Variants in ZBTB8B observed in about 807,000 individuals in gnomAD.
ZBTB8B encodes the protein zinc finger and BTB domain-containing protein 8B.
A neutral mutation model predicts 30.3 loss-of-function variants in ZBTB8B; 17 were observed. The ratio of observed to expected loss-of-function variants is 0.56; its 90% CI spans 0.38 to 0.84. The LOEUF is 0.84. Ranked by LOEUF, ZBTB8B falls within the 40% of genes least tolerant of loss-of-function variation. ZBTB8B has a pLI of 0.00. For synonymous variants in ZBTB8B, 248 were observed against 255.6 expected (o/e 0.97, Z 0.28); for missense variants, 515 against 644.9 (o/e 0.80, Z 2.18).
At chr1:32,480,668 C>T (rs1007307561) in intron 2 of ZBTB8B, among the ~76,000 whole-genome samples, 21 of 152,152 alleles carry the variant, frequency 1.4e-4, no homozygotes, top group Admixed American at 6.5e-5. Flanking sequence ...ATAGCATTCC[C>T]GACATTATAA....
chr1:32,493,737 C>G lies in ZBTB8B; in HGVS notation c.*8319C>G, dbSNP rs1643796125. On this transcript the variant is annotated 3_prime_UTR_variant, in exon 4 of 4. Transcript: ENST00000609129. Reference sequence around the variant, plus strand: ...TAAAAAATAATAATAATATGGTTTTCTTATTTAAAAAATAATATAGTATGT... The same window carrying G: ...TAAAAAATAATAATAATATGGTTTTGTTATTTAAAAAATAATATAGTATGT... The G allele has an allele frequency of 6.6e-6, 1 of 151,496 alleles. No homozygotes were observed. Among genetic ancestry groups the G allele is most frequent in the South Asian group, 2.1e-4 (1 of 4,792 alleles). 9.4% of individuals were successfully genotyped at this position (151,496 alleles called of 1,614,324 possible).
In ZBTB8B at chr1:32,489,644, C is replaced by T. The variant is rs1365430882; in HGVS notation, c.*4226C>T. 1 of 152,098 alleles carries T rather than the reference C, an allele frequency of 6.6e-6. No individual in the cohort carries two copies. Among genetic ancestry groups the T allele is most frequent in the African/African-American group, 2.4e-5 (1 of 41,398 alleles). The allele number at this position is 152,098 out of a possible 1,614,324, so 9.4% of individuals were successfully genotyped here. A position where few individuals can be genotyped will look rare whatever the true frequency, so the allele number is the denominator to read the frequency against. ...TAGTTTCTATTCTGGCACATTCCAC[C>T]CAAGTTCACAAAGGGATATTTTCGT... is the stretch of plus-strand genomic sequence containing the variant. On this transcript the variant is annotated 3_prime_UTR_variant, in exon 4 of 4. Coordinates refer to ENST00000609129, the MANE Select transcript of ZBTB8B (RefSeq NM_001145720.2).
rs1212580859 is a variant in ZBTB8B at position 32,492,191 on chromosome 1, A to G, written c.*6773A>G. On this transcript the variant is annotated 3_prime_UTR_variant, in exon 4 of 4. Transcript: ENST00000609129. ...AGGTGAGTATAGTATGTCGTACTGT[A>G]GGGACATTATTGAATGGACATGTCT... 3 of 151,562 alleles carry G rather than the reference A, an allele frequency of 2.0e-5. No homozygotes were observed. Among genetic ancestry groups the G allele is most frequent in the Non-Finnish European group, 4.4e-5 (3 of 67,976 alleles). 9.4% of individuals were successfully genotyped at this position (151,562 alleles called of 1,614,324 possible). A position where few individuals can be genotyped will look rare whatever the true frequency, so the allele number is the denominator to read the frequency against.
chr1:32,473,318 A>G (rs1244491483), intron 2 of ZBTB8B, among the ~76,000 whole-genome samples: 1 of 151,832 alleles, frequency 6.6e-6, no homozygotes, highest in Non-Finnish European at 1.5e-5. Context: ...AAAAAAAAAG[A>G]AAGAAAGAAA....
At position 32,471,225 on chromosome 1, in the gene ZBTB8B, C is replaced by CA. The variant is rs2148180958; in HGVS notation, c.602dup (p.His201GlnfsTer17). On this transcript the variant is annotated frameshift_variant, in exon 2 of 4. Transcript: ENST00000609129. LOFTEE classifies it high-confidence loss of function. ...CCCTTGCGGTGACTGCGGAGACTGCCACCCCTTGGAACTGGTGGTGAGAGA... is the reference window on the plus strand; with the variant it reads ...CCCTTGCGGTGACTGCGGAGACTGCCAACCCCTTGGAACTGGTGGTGAGAGA... 1 of 1,551,952 alleles carries CA rather than the reference C, an allele frequency of 6.4e-7. No individual in the cohort carries two copies. The highest frequency in any genetic ancestry group is 2.4e-5 in the East Asian group (1 of 40,930).
intron 1 of ZBTB8B, among the ~76,000 whole-genome samples, chr1:32,468,955 G>A (rs1341337256): frequency 6.6e-6 from 1 of 151,984 alleles, no homozygotes; most frequent in Non-Finnish European, 1.5e-5. Flanking sequence ...TTTGAGGGGT[G>A]GAGGCAGGAG....
intron 2 of ZBTB8B, among the ~76,000 whole-genome samples, chr1:32,479,173 GATAT>G (rs1643685377): frequency 2.2e-5 from 3 of 139,144 alleles, no homozygotes; most frequent in African/African-American, 8.1e-5. Flanking sequence ...TAGGTGATAT[GATAT>G]GATATGATAT....
rs1223681820 is a variant in ZBTB8B, at chr1:32,470,650, A to C, written c.26A>C (p.Lys9Thr). ...ATGGAGATGCAATCCTATTATGCCA[A>C]GCTTTTGGGGGAGCTGAATGAACAG... is the stretch of plus-strand genomic sequence containing the variant. Reference protein sequence around the residue: MEMQSYYAKLLGELNEQRK... With the variant: MEMQSYYATLLGELNEQRK... Residue 9 changes from lysine to threonine, a missense_variant, in exon 2 of 4, where the codon AAG becomes ACG. By Grantham distance (78) the Lys-to-Thr change is moderately conservative. This residue lies in a region of ZBTB8B where 25 missense variants were observed against 22.9 expected (regional missense o/e 1.09). Transcript: ENST00000609129. 6.4e-7 allele frequency: 1 copy of C among 1,551,466 alleles called. No homozygotes were observed. The highest frequency in any genetic ancestry group is 8.7e-7 in the Non-Finnish European group (1 of 1,146,864).
intron 1 of ZBTB8B, among the ~76,000 whole-genome samples, chr1:32,468,177 C>G (rs961611570): frequency 1.3e-5 from 2 of 152,090 alleles, no homozygotes; most frequent in Admixed American, 1.3e-4. Flanking sequence ...ACCAGCTAAA[C>G]CAAAAAGGAA....
rs1643759013 is a variant in ZBTB8B at position 32,488,276 on chromosome 1, G to T, written c.*2858G>T. 6.6e-6 allele frequency: 1 copy of T among 152,096 alleles called. No individual in the cohort carries two copies. Among genetic ancestry groups the T allele is most frequent in the African/African-American group, 2.4e-5 (1 of 41,410 alleles). The allele number at this position is 152,096 out of a possible 1,614,324, so 9.4% of individuals were successfully genotyped here. Reference sequence around the variant, plus strand: ...ATATTTGCTGTTATTTTAAAAGAGGGATCTCAGCAAAAAGGAAACCTAAAT... The same window carrying T: ...ATATTTGCTGTTATTTTAAAAGAGGTATCTCAGCAAAAAGGAAACCTAAAT... On this transcript the variant is annotated 3_prime_UTR_variant, in exon 4 of 4. Coordinates refer to ENST00000609129, the MANE Select transcript of ZBTB8B (RefSeq NM_001145720.2).
In ZBTB8B at chr1:32,487,074, G is replaced by T. The variant is rs1643751492; in HGVS notation, c.*1656G>T. 6.6e-6 allele frequency: 1 copy of T among 152,216 alleles called. No individual in the cohort carries two copies. Among genetic ancestry groups the T allele is most frequent in the South Asian group, 2.1e-4 (1 of 4,834 alleles). 9.4% of individuals were successfully genotyped at this position (152,216 alleles called of 1,614,324 possible). A position where few individuals can be genotyped will look rare whatever the true frequency, so the allele number is the denominator to read the frequency against. Reference sequence around the variant, plus strand: ...AAAATATCCAAAATGGATTTTAAAAGAAATCTTCTTGTCTTCCTTTAAGTG... The same window carrying T: ...AAAATATCCAAAATGGATTTTAAAATAAATCTTCTTGTCTTCCTTTAAGTG... On this transcript the variant is annotated 3_prime_UTR_variant, in exon 4 of 4. Transcript: ENST00000609129.
chr1:32,477,584 G>C (rs2148183730), intron 2 of ZBTB8B, among the ~76,000 whole-genome samples: 1 of 152,216 alleles, frequency 6.6e-6, no homozygotes, highest in East Asian at 1.9e-4. Context: ...GTTATGAGCT[G>C]CTACTTTGAT....
At chr1:32,478,111 T>C (rs929216457) in intron 2 of ZBTB8B, among the ~76,000 whole-genome samples, 4 of 152,006 alleles carry the variant, frequency 2.6e-5, no homozygotes, top group African/African-American at 9.7e-5. Context: ...TCCCAGCTAC[T>C]TGGGGAGCTG....
In ZBTB8B at chr1:32,488,417, T is replaced by C. The variant is rs1027223407; in HGVS notation, c.*2999T>C. The C allele has an allele frequency of 6.6e-6, 1 of 152,262 alleles. No individual in the cohort carries two copies. The highest frequency in any genetic ancestry group is 2.4e-5 in the African/African-American group (1 of 41,468). The allele number at this position is 152,262 out of a possible 1,614,324, so 9.4% of individuals were successfully genotyped here. On this transcript the variant is annotated 3_prime_UTR_variant, in exon 4 of 4. Transcript: ENST00000609129. ...TACCTCATAGTTCAGCCTCTTTGCC[T>C]GCTTTCTCCAGTGGAGCTATGATCC... is the stretch of plus-strand genomic sequence containing the variant.
Position 32,488,434 on chromosome 1 carries a change from C to G in ZBTB8B, c.*3016C>G, listed in dbSNP as rs1379575362. On this transcript the variant is annotated 3_prime_UTR_variant, in exon 4 of 4. Coordinates refer to ENST00000609129, the MANE Select transcript of ZBTB8B (RefSeq NM_001145720.2). ...TCTTTGCCTGCTTTCTCCAGTGGAG[C>G]TATGATCCTCTTCAGTGATTCCGTG... 1 of 152,228 alleles carries G rather than the reference C, an allele frequency of 6.6e-6. No individual in the cohort carries two copies. Among genetic ancestry groups the G allele is most frequent in the Non-Finnish European group, 1.5e-5 (1 of 68,048 alleles). 9.4% of individuals were successfully genotyped at this position (152,228 alleles called of 1,614,324 possible). A position where few individuals can be genotyped will look rare whatever the true frequency, so the allele number is the denominator to read the frequency against.
chr1:32,468,748 C>A (rs897298757), intron 1 of ZBTB8B, among the ~76,000 whole-genome samples: 1 of 151,726 alleles, frequency 6.6e-6, no homozygotes, highest in Non-Finnish European at 1.5e-5. Flanking sequence ...GTAATCCCAG[C>A]TACTTGGGAG....
intron 1 of ZBTB8B, among the ~76,000 whole-genome samples, chr1:32,468,410 G>A (rs920774042): frequency 2.0e-5 from 3 of 152,060 alleles, no homozygotes; most frequent in Admixed American, 6.6e-5. Flanking sequence ...GGCCATCTCC[G>A]AGCCAATCAC....
intron 2 of ZBTB8B, among the ~76,000 whole-genome samples, chr1:32,480,073 G>A (rs574098217): frequency 2.0e-5 from 3 of 152,204 alleles, no homozygotes; most frequent in Non-Finnish European, 4.4e-5. Flanking sequence ...AAGGTAGTGA[G>A]ATCAATTCAG....
In ZBTB8B at chr1:32,470,930, C is replaced by T. The variant is rs1278952156; in HGVS notation, c.306C>T (p.Ala102=). The change falls in exon 2 of 4, where the codon GCC becomes GCT. Residue 102 remains alanine (A), a synonymous_variant. Coordinates refer to ENST00000609129, the MANE Select transcript of ZBTB8B (RefSeq NM_001145720.2). ...GENVIEVMSA[A]SYLQMNDVVN... The stretch of plus-strand genomic sequence containing the variant: ...ATGTGATTGAAGTGATGTCGGCTGC[C>T]AGCTACCTGCAGATGAATGACGTGG... The T allele has an allele frequency of 6.4e-7, 1 of 1,552,194 alleles. No individual in the cohort carries two copies.
Sources: allele counts gnomAD v4.1 joint callset (sites outside exome capture counted in the v4.1 genomes callset), GRCh38; gene constraint gnomAD v4.1.1; regional missense constraint gnomAD v4.1.1; transcripts MANE v1.5; gene names NCBI Gene and HGNC (gene_info 2026-07-23, HGNC 2026-07-21).